FMN1: variants seen among roughly 807,000 people sequenced by gnomAD.
The protein encoded by FMN1 is formin-1.
In FMN1, 110 loss-of-function variants were observed where a neutral mutation model predicts 132.4. That is an observed-to-expected ratio of 0.83 (90% CI 0.71 to 0.97). The LOEUF (loss-of-function observed/expected upper bound fraction) is 0.97, where lower values mean the gene tolerates loss of function less well. Ranked by LOEUF, FMN1 falls within the 50% of genes least tolerant of loss-of-function variation. FMN1 has a pLI of 0.00. For missense variants in FMN1, 1,792 were observed against 1,705.3 expected, an observed-to-expected ratio of 1.05 and a Z score of -0.90; for synonymous variants, 722 against 651.7, an observed-to-expected ratio of 1.11 and a Z score of -1.64.
chr15:33,001,414 C>G (rs1380905696), intron 7 of FMN1, among the ~76,000 whole-genome samples: 2 of 152,176 alleles, frequency 1.3e-5, no homozygotes, highest in Non-Finnish European at 2.9e-5. Flanking sequence ...AAAGTAAGTA[C>G]TTGGATGATT....
At chr15:32,978,077 A>T (rs2032358017) in intron 7 of FMN1, among the ~76,000 whole-genome samples, 2 of 151,964 alleles carry the variant, frequency 1.3e-5, no homozygotes, top group South Asian at 4.2e-4. Context: ...GGATGGTCTC[A>T]ATCTCTTGAC....
At chr15:32,902,527 T>C (rs1373346975) in intron 12 of FMN1, among the ~76,000 whole-genome samples, 1 of 152,240 alleles carries the variant, frequency 6.6e-6, no homozygotes, top group Non-Finnish European at 1.5e-5. Flanking sequence ...TGCTACTATT[T>C]TTGCTCAGTG....
At chr15:33,004,221 C>T (rs570886723) in intron 7 of FMN1, among the ~76,000 whole-genome samples, 1 of 152,258 alleles carries the variant, frequency 6.6e-6, no homozygotes, top group East Asian at 1.9e-4. Context: ...AGAGCTTCTG[C>T]AAAGCAAAAG....
intron 10 of FMN1, among the ~76,000 whole-genome samples, chr15:32,923,319 A>G (rs963087490): frequency 2.0e-5 from 3 of 152,248 alleles, no homozygotes; most frequent in Non-Finnish European, 4.4e-5. Flanking sequence ...GGCCAAGTAC[A>G]TTCCACACAC....
chr15:32,820,263 G>A (rs956157625), intron 17 of FMN1, among the ~76,000 whole-genome samples: 1 of 152,134 alleles, frequency 6.6e-6, no homozygotes, highest in African/African-American at 2.4e-5. Context: ...GAGTAACAGA[G>A]ATTCATGATT....
Position 32,774,118 on chromosome 15 carries a change from G to T in FMN1, c.*192C>A. ...ATGTTCCCTTAAATAGTTTTCCATT[G>T]TTCCTGCGGCTTAATGAGGGACTTC... On this transcript the variant is annotated 3_prime_UTR_variant, in exon 21 of 21. Transcript: ENST00000616417. The T allele has an allele frequency of 1.7e-6, 1 of 597,330 alleles. No homozygotes were observed. The highest frequency in any genetic ancestry group is 3.0e-6 in the Non-Finnish European group (1 of 338,546). The allele number at this position is 597,330 out of a possible 1,614,324, so 37.0% of individuals were successfully genotyped here.
chr15:32,966,015 A>AG (rs2031188416), intron 8 of FMN1, among the ~76,000 whole-genome samples: 1 of 152,196 alleles, frequency 6.6e-6, no homozygotes, highest in South Asian at 2.1e-4. Flanking sequence ...TGAAGAAGGA[A>AG]GTCAGCTGGG....
intron 4 of FMN1, among the ~76,000 whole-genome samples, chr15:33,093,325 T>C (rs929250480): frequency 2.6e-4 from 40 of 152,240 alleles, no homozygotes; most frequent in Non-Finnish European, 2.8e-4. Flanking sequence ...AGAACTGATA[T>C]GTACAGGTAG....
intron 3 of FMN1, among the ~76,000 whole-genome samples, chr15:33,179,208 A>G (rs1489462958): frequency 6.6e-6 from 1 of 152,222 alleles, no homozygotes; most frequent in Non-Finnish European, 1.5e-5. Flanking sequence ...TAACAGAATA[A>G]ATTGATACCA....
intron 7 of FMN1, among the ~76,000 whole-genome samples, chr15:32,988,555 T>C (rs1204899663): frequency 2.0e-5 from 3 of 152,192 alleles, no homozygotes; most frequent in South Asian, 2.1e-4. Flanking sequence ...CACTTTATCT[T>C]TGGCAGAGCA....
At chr15:33,114,890 G>C (rs77174050) in intron 4 of FMN1, among the ~76,000 whole-genome samples, 2,780 of 151,372 alleles carry the variant, frequency 0.018, 82 homozygotes, top group African/African-American at 0.064. Context: ...TGTTTGAAAA[G>C]ATGCAAGCAT....
At chr15:32,777,431 CA>C (rs1275848650) in intron 19 of FMN1, among the ~76,000 whole-genome samples, 2 of 144,502 alleles carry the variant, frequency 1.4e-5, no homozygotes, top group South Asian at 2.1e-4. Flanking sequence ...TTTTTCCATT[CA>C]AAAAATATAT....
intron 16 of FMN1, among the ~76,000 whole-genome samples, chr15:32,885,925 C>T (rs994585334): frequency 1.7e-4 from 26 of 152,038 alleles, no homozygotes; most frequent in Admixed American, 1.3e-4. Flanking sequence ...CCAGCAGCTA[C>T]GACACTTTAA....
intron 17 of FMN1, among the ~76,000 whole-genome samples, chr15:32,840,623 G>T (rs1042617427): frequency 6.6e-6 from 1 of 152,190 alleles, no homozygotes; most frequent in South Asian, 2.1e-4. Flanking sequence ...TGGCTATTTC[G>T]TTCAGTGCCA....
At chr15:33,134,257 A>C (rs1012803959) in intron 4 of FMN1, among the ~76,000 whole-genome samples, 1 of 152,156 alleles carries the variant, frequency 6.6e-6, no homozygotes, top group Admixed American at 6.5e-5. Flanking sequence ...CCAATTTACA[A>C]TTTTAAGTGG....
chr15:32,896,978 G>T (rs1029755082), intron 15 of FMN1, among the ~76,000 whole-genome samples: 1 of 152,140 alleles, frequency 6.6e-6, no homozygotes, highest in Non-Finnish European at 1.5e-5. Context: ...ATTTTTTGAA[G>T]AAACTCCCTA....
intron 7 of FMN1, among the ~76,000 whole-genome samples, chr15:32,998,268 T>C (rs2033896443): frequency 1.3e-5 from 2 of 152,220 alleles, no homozygotes; most frequent in South Asian, 4.1e-4. Context: ...CTGTGAGTCA[T>C]GAAAAAATTT....
intron 12 of FMN1, among the ~76,000 whole-genome samples, chr15:32,905,566 C>T (rs1178899439): frequency 6.6e-6 from 1 of 152,186 alleles, no homozygotes; most frequent in Non-Finnish European, 1.5e-5. Flanking sequence ...GGTTCTCAGA[C>T]AGCCTGGTCC....
chr15:33,143,049 G>A (rs1964070962), intron 4 of FMN1, among the ~76,000 whole-genome samples: 1 of 152,138 alleles, frequency 6.6e-6, no homozygotes, highest in African/African-American at 2.4e-5. Flanking sequence ...AAAATGTAAA[G>A]CTGTCTGTTC....
Sources: gnomAD v4.1 joint callset for allele counts (sites outside exome capture counted in the v4.1 genomes callset) on GRCh38, gnomAD v4.1.1 for gene constraint, MANE v1.5 for transcripts, NCBI Gene and HGNC (gene_info 2026-07-23, HGNC 2026-07-21) for gene names.